The following SLC12A2 variants were observed in gnomAD, a reference collection of about 807,000 sequenced individuals.
The protein encoded by SLC12A2 is solute carrier family 12 member 2.
A neutral mutation model predicts 136.3 loss-of-function variants in SLC12A2; 67 were observed. The ratio of observed to expected loss-of-function variants is 0.49; its 90% CI spans 0.40 to 0.60. SLC12A2 has a LOEUF of 0.60. SLC12A2 is among the 20% of genes least tolerant of loss of function. The pLI, the probability that SLC12A2 is intolerant of heterozygous loss-of-function variation, is 0.00. For synonymous variants in SLC12A2, 619 were observed against 562.9 expected (o/e 1.10, Z -1.41); for missense variants, 1,322 against 1,534.7 (o/e 0.86, Z 2.32).
rs574067724 is a variant in SLC12A2 at position 128,086,332 on chromosome 5, G to T, written c.756+1622G>T. On this transcript the variant is annotated intron_variant, in intron 1 of 26. Transcript: ENST00000262461. ...TTTGTGTTTTTTGCTTGGCTTTTTGGTTCAAAGTATCTAAAAAACAACACC... is the reference window on the plus strand; with the variant it reads ...TTTGTGTTTTTTGCTTGGCTTTTTGTTTCAAAGTATCTAAAAAACAACACC... Among the ~76,000 whole-genome samples, 17 of 152,182 alleles carry T rather than the reference G, an allele frequency of 1.1e-4. No individual in the cohort carries two copies. In the South Asian group the frequency reaches 2.3e-3, roughly 20 times the overall value.
intron 19 of SLC12A2, among the ~76,000 whole-genome samples, chr5:128,173,766 C>T (rs900284628): frequency 1.3e-5 from 2 of 152,122 alleles, no homozygotes; most frequent in African/African-American, 2.4e-5. Context: ...TCTTCATTTA[C>T]GCAAATAAGT....
At chr5:128,182,625 G>C (rs1357410721) in intron 23 of SLC12A2, among the ~76,000 whole-genome samples, 2 of 152,106 alleles carry the variant, frequency 1.3e-5, no homozygotes, top group East Asian at 1.9e-4. Flanking sequence ...ATTACTCAGT[G>C]CTAAGGAGAG....
At chr5:128,091,248 G>A (rs572526659) in intron 1 of SLC12A2, among the ~76,000 whole-genome samples, 2 of 152,118 alleles carry the variant, frequency 1.3e-5, no homozygotes, top group African/African-American at 2.4e-5. Flanking sequence ...CCCCTATTTA[G>A]AATGGAGTTG....
intron 4 of SLC12A2, among the ~76,000 whole-genome samples, chr5:128,126,962 ATATATTT>A (rs1168868174): frequency 4.3e-4 from 10 of 23,326 alleles, no homozygotes; most frequent in African/African-American, 6.0e-4. Context: ...ATATATATAT[ATATATTT>A]TTTTTTTTTT....
At chr5:128,112,961 G>C in intron 2 of SLC12A2, 28 bp downstream of exon 2, 2 of 1,538,856 alleles carry the variant, frequency 1.3e-6, no homozygotes, top group South Asian at 2.6e-5. Flanking sequence ...TAATTTTATA[G>C]TTACAGCATA....
intron 14 of SLC12A2, 35 bp from the exon 15 acceptor site, chr5:128,152,671 G>A: frequency 7.8e-7 from 1 of 1,287,862 alleles, no homozygotes. Context: ...TGTTATTACT[G>A]ATGTTAATGC....
At chr5:128,184,981 C>A in intron 26 of SLC12A2, 125 bp downstream of exon 26, 1 of 785,010 alleles carries the variant, frequency 1.3e-6, no homozygotes, top group Non-Finnish European at 2.0e-6. Context: ...GAGGAAAAAA[C>A]AAACTTGTAA....
At chr5:128,154,422 A>T (rs1302133036) in intron 15 of SLC12A2, among the ~76,000 whole-genome samples, 2 of 152,170 alleles carry the variant, frequency 1.3e-5, no homozygotes, top group African/African-American at 4.8e-5. Flanking sequence ...CTCAAAAAAA[A>T]AAAAAAGTTA....
chr5:128,172,945 C>G (rs1445999572), intron 19 of SLC12A2, among the ~76,000 whole-genome samples: 1 of 133,108 alleles, frequency 7.5e-6, no homozygotes, highest in African/African-American at 2.8e-5. Context: ...GAGCAAGACT[C>G]AAAAAATACA....
intron 1 of SLC12A2, among the ~76,000 whole-genome samples, chr5:128,100,929 T>C (rs905290991): frequency 3.9e-5 from 6 of 152,184 alleles, no homozygotes; most frequent in African/African-American, 1.4e-4. Flanking sequence ...CTTGAATGGT[T>C]AGTAAAGAAC....
intron 10 of SLC12A2, among the ~76,000 whole-genome samples, chr5:128,146,265 T>C (rs1762524019): frequency 6.6e-6 from 1 of 151,902 alleles, no homozygotes. Flanking sequence ...AATACTGTTA[T>C]TTAAATATAC....
At chr5:128,185,406 C>T (rs972214433) in intron 26 of SLC12A2, among the ~76,000 whole-genome samples, 1 of 152,012 alleles carries the variant, frequency 6.6e-6, no homozygotes, top group Non-Finnish European at 1.5e-5. Flanking sequence ...TCTTTGAACC[C>T]ACATTTTCTG....
chr5:128,178,702 A>AT lies in SLC12A2; in HGVS notation c.3100+20dup. The AT allele has an allele frequency of 3.9e-6, 6 of 1,527,596 alleles. No homozygotes were observed. The highest frequency in any genetic ancestry group is 2.2e-5 in the Admixed American group (1 of 45,010). The allele number at this position is 1,527,596 out of a possible 1,614,324, so 94.6% of individuals were successfully genotyped here. On this transcript the variant is annotated intron_variant, in intron 22 of 26. Coordinates refer to ENST00000262461, the MANE Select transcript of SLC12A2 (RefSeq NM_001046.3). ...TTTGATGATGGAGGTAAGGTTGTTA[A>AT]TTTTTTTAAAATGATTTTAAATTTA... is the stretch of plus-strand genomic sequence containing the variant.
At chr5:128,143,124 A>C (rs1291950654) in intron 10 of SLC12A2, among the ~76,000 whole-genome samples, 1 of 152,062 alleles carries the variant, frequency 6.6e-6, no homozygotes, top group Non-Finnish European at 1.5e-5. Flanking sequence ...ATTTTCTTTC[A>C]GTCAGCATTT....
At chr5:128,093,483 A>G (rs1389785120) in intron 1 of SLC12A2, among the ~76,000 whole-genome samples, 1 of 152,056 alleles carries the variant, frequency 6.6e-6, no homozygotes, top group Non-Finnish European at 1.5e-5. Flanking sequence ...CAAGCTCACA[A>G]ACTTAGTATT....
rs1347112296 is a variant in SLC12A2, at chr5:128,126,971, T to TATATATATATATATATATATATAA, written c.1049-4096_1049-4095insATATATATATATATATATATATAA. Among the ~76,000 whole-genome samples, 3 of 123,000 alleles carry TATATATATATATATATATATATAA rather than the reference T, an allele frequency of 2.4e-5. 1 individual carries two copies. The highest frequency in any genetic ancestry group is 1.2e-4 in the African/African-American group (3 of 26,058). 80.7% of individuals were successfully genotyped at this position (123,000 alleles called of 152,430 possible). ...ATATATATATATATATATATATTTTTTTTTTTTTTTTTTTTTGCATCTAAA... is the reference window on the plus strand; with the variant it reads ...ATATATATATATATATATATATTTTTATATATATATATATATATATATAATTTTTTTTTTTTTTTTGCATCTAAA... On this transcript the variant is annotated intron_variant, in intron 4 of 26. Coordinates refer to ENST00000262461, the MANE Select transcript of SLC12A2 (RefSeq NM_001046.3).
chr5:128,142,662 G>A (rs553382210), intron 10 of SLC12A2, among the ~76,000 whole-genome samples: 4 of 151,970 alleles, frequency 2.6e-5, no homozygotes, highest in Non-Finnish European at 2.9e-5. Flanking sequence ...ATTCTGTTCT[G>A]TTGATCTTCG....
chr5:128,098,454 G>C (rs1343613818), intron 1 of SLC12A2, among the ~76,000 whole-genome samples: 1 of 150,714 alleles, frequency 6.6e-6, no homozygotes, highest in South Asian at 2.1e-4. Context: ...GGGCCACATG[G>C]AGGAAATTTC....
intron 1 of SLC12A2, among the ~76,000 whole-genome samples, chr5:128,092,437 G>T (rs1760367240): frequency 6.6e-6 from 1 of 152,146 alleles, no homozygotes; most frequent in South Asian, 2.1e-4. Context: ...TCCGAAGTTT[G>T]GACTAGCAGT....
Sources: allele counts gnomAD v4.1 joint callset (sites outside exome capture counted in the v4.1 genomes callset), GRCh38; gene constraint gnomAD v4.1.1; transcripts MANE v1.5; gene names NCBI Gene and HGNC (gene_info 2026-07-23, HGNC 2026-07-21).